The following PHLDB2 variants were observed in gnomAD, a reference collection of about 807,000 sequenced individuals.
PHLDB2 encodes pleckstrin homology-like domain family B member 2.
A neutral mutation model predicts 123.6 loss-of-function variants in PHLDB2; 71 were observed. The observed-to-expected ratio is 0.57, with a 90% CI of 0.47 to 0.70. The LOEUF (loss-of-function observed/expected upper bound fraction) is 0.70, where lower values mean the gene tolerates loss of function less well. PHLDB2 is among the 30% of genes least tolerant of loss of function. The pLI is 0.00. For synonymous variants in PHLDB2, 547 were observed against 541.6 expected, an observed-to-expected ratio of 1.01 and a Z score of -0.14; for missense variants, 1,446 against 1,519.5, an observed-to-expected ratio of 0.95 and a Z score of 0.80.
rs1419163650 is a variant in PHLDB2, at chr3:111,759,935, G to T, written c.-49+27232G>T. Among the ~76,000 whole-genome samples the T allele has an allele frequency of 2.0e-5, 3 of 152,186 alleles. No individual in the cohort carries two copies. In the South Asian group the frequency reaches 6.2e-4, roughly 32 times the overall value. On this transcript the variant is annotated intron_variant, in intron 1 of 17. Transcript: ENST00000393923. ...CAATATGCAGTTTGTAGGACAAGAGGCTTTAAGGGCAGAGATCTAAATGTA... is the reference window on the plus strand; with the variant it reads ...CAATATGCAGTTTGTAGGACAAGAGTCTTTAAGGGCAGAGATCTAAATGTA...
chr3:111,801,359 A>G (rs4532105), intron 1 of PHLDB2, among the ~76,000 whole-genome samples: 300 of 152,302 alleles, frequency 2.0e-3, no homozygotes, highest in African/African-American at 7.0e-3. Context: ...TAGACACAGA[A>G]ACTAAACAAG....
At chr3:111,954,175 G>A in intron 12 of PHLDB2, 146 bp downstream of exon 12, 1 of 636,812 alleles carries the variant, frequency 1.6e-6, no homozygotes, top group Non-Finnish European at 2.7e-6. Context: ...TCTTTCGGGA[G>A]GGATATATAA....
chr3:111,859,526 G>A lies in PHLDB2; in HGVS notation c.-65G>A. On this transcript the variant is annotated 5_prime_UTR_variant, in exon 1 of 18. Transcript: ENST00000431670. ...GCCCGACGGTGTGGCGTGGCGCAAG[G>A]AGCGCGCCTGCCTTCTCTCGCCGCC... 3.0e-6 allele frequency: 3 copies of A among 985,628 alleles called. No individual in the cohort carries two copies. The highest frequency in any genetic ancestry group is 9.4e-5 in the South Asian group (2 of 21,298). 61.1% of individuals were successfully genotyped at this position (985,628 alleles called of 1,614,324 possible). A position where few individuals can be genotyped will look rare whatever the true frequency, so the allele number is the denominator to read the frequency against.
chr3:111,751,377 A>AT (rs2059772321), intron 1 of PHLDB2, among the ~76,000 whole-genome samples: 2 of 152,190 alleles, frequency 1.3e-5, no homozygotes. Flanking sequence ...ACTTTCAAGC[A>AT]TTTGATGACC....
At chr3:111,807,521 G>C (rs2061645296) in intron 1 of PHLDB2, among the ~76,000 whole-genome samples, 1 of 152,098 alleles carries the variant, frequency 6.6e-6, no homozygotes, top group Admixed American at 6.5e-5. Context: ...AGTTTGCCCA[G>C]GAGGCCTGGG....
At chr3:111,917,994 G>A (rs1162102731) in intron 3 of PHLDB2, among the ~76,000 whole-genome samples, 1 of 151,836 alleles carries the variant, frequency 6.6e-6, no homozygotes, top group African/African-American at 2.4e-5. Context: ...TTATTGACTT[G>A]CTGATCCAAA....
Position 111,920,409 on chromosome 3 carries a change from A to G in PHLDB2, c.1991A>G (p.Glu664Gly), listed in dbSNP as rs764023232. ...GAACTGGAAAAGAACATTGTTGGTG[A>G]AAAGACCAAGGTAAAAGAAAATTAT... Reference protein sequence around the residue: ...IAELEKNIVGEKTKEKVKLDA... With the variant: ...IAELEKNIVGGKTKEKVKLDA... Residue 664 changes from glutamate (E) to glycine (G), a missense_variant, in exon 5 of 18, where the codon GAA becomes GGA. Glu to Gly is a moderately conservative substitution (Grantham distance 98). Around this residue, in one of 3 missense-constraint regions of PHLDB2, gnomAD observed 832 missense variants for 831.9 expected, o/e 1.00. Transcript: ENST00000431670. 6.2e-7 allele frequency: 1 copy of G among 1,613,300 alleles called. No homozygotes were observed. The highest frequency in any genetic ancestry group is 1.7e-5 in the Admixed American group (1 of 59,876).
At chr3:111,775,989 C>A (rs1388681647) in intron 1 of PHLDB2, among the ~76,000 whole-genome samples, 2 of 152,130 alleles carry the variant, frequency 1.3e-5, no homozygotes, top group Non-Finnish European at 2.9e-5. Flanking sequence ...AGCTCTTTTT[C>A]AGAGATATTG....
chr3:111,974,372 T>G, intron 17 of PHLDB2, 51 bp from the exon 18 acceptor site: 1 of 1,481,884 alleles, frequency 6.7e-7, no homozygotes, highest in Admixed American at 2.0e-5. Flanking sequence ...TTATTTAATG[T>G]TGTATTTTAA....
At chr3:111,784,485 T>A (rs1365616013) in intron 1 of PHLDB2, among the ~76,000 whole-genome samples, 1 of 152,164 alleles carries the variant, frequency 6.6e-6, no homozygotes, top group Non-Finnish European at 1.5e-5. Flanking sequence ...TCTGGAGCCA[T>A]CTGTCTGTGT....
intron 1 of PHLDB2, among the ~76,000 whole-genome samples, chr3:111,768,582 G>A (rs1428167564): frequency 6.6e-6 from 1 of 152,090 alleles, no homozygotes; most frequent in South Asian, 2.1e-4. Context: ...GGGAGCTCCG[G>A]AGAGCTGTAT....
chr3:111,834,718 G>A (rs2063321775), intron 1 of PHLDB2, among the ~76,000 whole-genome samples: 1 of 151,828 alleles, frequency 6.6e-6, no homozygotes. Context: ...ACCAATTTTG[G>A]ACTTGCTTTT....
intron 1 of PHLDB2, among the ~76,000 whole-genome samples, chr3:111,738,455 T>C (rs2059546417): frequency 6.6e-6 from 1 of 152,176 alleles, no homozygotes; most frequent in Non-Finnish European, 1.5e-5. Context: ...TATTGATGGG[T>C]TATCCACTCA....
intron 2 of PHLDB2, among the ~76,000 whole-genome samples, chr3:111,905,782 T>C (rs1244415795): frequency 6.6e-6 from 1 of 152,184 alleles, no homozygotes; most frequent in Non-Finnish European, 1.5e-5. Context: ...TTGCAACATA[T>C]TATGTTACAA....
At chr3:111,948,359 G>A (rs1559917599) in intron 9 of PHLDB2, among the ~76,000 whole-genome samples, 1 of 152,020 alleles carries the variant, frequency 6.6e-6, no homozygotes, top group South Asian at 2.1e-4. Flanking sequence ...TTCTCATTTG[G>A]TTGAGATGCC....
chr3:111,793,397 A>T (rs567547640), intron 1 of PHLDB2, among the ~76,000 whole-genome samples: 1 of 152,122 alleles, frequency 6.6e-6, no homozygotes, highest in East Asian at 1.9e-4. Flanking sequence ...GCTTATGGTG[A>T]ACACTGTTAG....
At chr3:111,856,900 G>A (rs1559870205), upstream of PHLDB2, among the ~76,000 whole-genome samples, 1 of 152,184 alleles carries the variant, frequency 6.6e-6, no homozygotes, top group African/African-American at 2.4e-5. Flanking sequence ...AGAATGTGGT[G>A]ACTTTGTCAA....
At chr3:111,932,492 A>G (rs2069200330) in intron 6 of PHLDB2, 95 bp downstream of exon 6, 6 of 1,239,320 alleles carry the variant, frequency 4.8e-6, no homozygotes, top group Non-Finnish European at 1.1e-6. Context: ...TTCATATAGC[A>G]TAAGTTTGCA....
intron 1 of PHLDB2, among the ~76,000 whole-genome samples, chr3:111,871,673 C>CA (rs990513271): frequency 6.6e-6 from 1 of 152,066 alleles, no homozygotes; most frequent in East Asian, 1.9e-4. Flanking sequence ...AAAAAAACTC[C>CA]AAAAAAACCT....
Sources: gnomAD v4.1 joint callset for allele counts (sites outside exome capture counted in the v4.1 genomes callset) on GRCh38, gnomAD v4.1.1 for gene constraint, gnomAD v4.1.1 regional missense constraint, MANE v1.5 for transcripts, NCBI Gene and HGNC (gene_info 2026-07-23, HGNC 2026-07-21) for gene names.